PDE8A: variants seen among roughly 807,000 people sequenced by gnomAD.
PDE8A encodes the protein high affinity cAMP-specific and IBMX-insensitive 3',5'-cyclic phosphodiesterase 8A.
In PDE8A, 59 loss-of-function variants were observed where a neutral mutation model predicts 105.0. The ratio of observed to expected loss-of-function variants is 0.56; its 90% confidence interval spans 0.46 to 0.70. The LOEUF is 0.70. PDE8A is among the 30% of genes least tolerant of loss of function. PDE8A has a pLI of 0.00. For missense variants in PDE8A, 1,014 were observed against 1,045.9 expected (o/e 0.97, Z 0.42); for synonymous variants, 355 against 371.9 (o/e 0.95, Z 0.52).
At chr15:85,080,619 C>T (rs2081449285) in intron 5 of PDE8A, among the ~76,000 whole-genome samples, 1 of 152,112 alleles carries the variant, frequency 6.6e-6, no homozygotes, top group South Asian at 2.1e-4. Flanking sequence ...TGGTGACTGC[C>T]GTGTTTGAAA....
chr15:85,049,037 G>T (rs1358353400), intron 1 of PDE8A, among the ~76,000 whole-genome samples: 1 of 152,170 alleles, frequency 6.6e-6, no homozygotes, highest in African/African-American at 2.4e-5. Context: ...GGGAAGTGGA[G>T]GTTGCAGTGA....
chr15:85,100,264 C>A, intron 11 of PDE8A, 66 bp downstream of exon 11: 1 of 1,339,072 alleles, frequency 7.5e-7, no homozygotes, highest in South Asian at 1.2e-5. Context: ...AAAAACAGAT[C>A]TTTAACTAGC....
At chr15:85,116,848 TC>T (rs2082104528) in intron 16 of PDE8A, among the ~76,000 whole-genome samples, 1 of 152,218 alleles carries the variant, frequency 6.6e-6, no homozygotes, top group South Asian at 2.1e-4. Flanking sequence ...ACGTTCTACT[TC>T]CCTATCTCCC....
intron 14 of PDE8A, 124 bp from the exon 15 acceptor site, chr15:85,115,315 C>A: frequency 1.6e-6 from 1 of 632,284 alleles, no homozygotes; most frequent in Non-Finnish European, 2.8e-6. Flanking sequence ...GGGCCCAGGG[C>A]AGCCTTGAGT....
At chr15:84,991,673 C>A (rs557775635) in intron 1 of PDE8A, among the ~76,000 whole-genome samples, 1 of 152,246 alleles carries the variant, frequency 6.6e-6, no homozygotes, top group South Asian at 2.1e-4. Flanking sequence ...TCCAAACTTT[C>A]CTGTAAAACC....
At chr15:85,004,897 G>A (rs2080121834) in intron 1 of PDE8A, among the ~76,000 whole-genome samples, 1 of 141,748 alleles carries the variant, frequency 7.1e-6, no homozygotes, top group African/African-American at 2.7e-5. Context: ...TGGATTGAAT[G>A]ATACATAGTT....
chr15:85,119,471 A>AAAAAAAAAAAAAAAAAAAAAACAAAC (rs1421406717), intron 17 of PDE8A, among the ~76,000 whole-genome samples: 7 of 149,254 alleles, frequency 4.7e-5, no homozygotes, highest in African/African-American at 1.5e-4. Flanking sequence ...CTCGTCTCAA[A>AAAAAAAAAAAAAAAAAAAAAACAAAC]AAAAAAAAAA....
intron 1 of PDE8A, among the ~76,000 whole-genome samples, chr15:85,044,384 G>A (rs907590099): frequency 3.3e-5 from 5 of 152,102 alleles, no homozygotes; most frequent in Admixed American, 2.0e-4. Flanking sequence ...TGACAGTGGG[G>A]GACAGATAAA....
intron 19 of PDE8A, among the ~76,000 whole-genome samples, chr15:85,123,860 G>A (rs556699243): frequency 6.6e-6 from 1 of 152,150 alleles, no homozygotes; most frequent in Non-Finnish European, 1.5e-5. Flanking sequence ...AACTAGATGG[G>A]AAAACTCGAA....
At chr15:85,085,741 C>T (rs2081542286) in intron 6 of PDE8A, among the ~76,000 whole-genome samples, 2 of 149,830 alleles carry the variant, frequency 1.3e-5, no homozygotes, top group African/African-American at 2.5e-5. Context: ...GGCAGGGTGG[C>T]TCACGCCTGT....
At position 85,123,337 on chromosome 15, in the gene PDE8A, T is replaced by TACACACACACACACACACAC. The variant is rs58421452; in HGVS notation, c.2085+174_2085+193dup. ...TCTTACAGGGACAGAACTAATGGGA[T>TACACACACACACACACACAC]ACACACACACACACACACACACACA... On this transcript the variant is annotated intron_variant, in intron 19 of 21. Transcript: ENST00000394553. The TACACACACACACACACACAC allele has an allele frequency of 9.4e-4, 311 of 330,416 alleles. 1 individual carries two copies. The highest frequency in any genetic ancestry group is 3.4e-3 in the African/African-American group (134 of 39,950). 20.5% of individuals were successfully genotyped at this position (330,416 alleles called of 1,614,324 possible). A position where few individuals can be genotyped will look rare whatever the true frequency, so the allele number is the denominator to read the frequency against.
chr15:85,073,207 CCTT>C (rs949861237), intron 3 of PDE8A, among the ~76,000 whole-genome samples: 1 of 152,202 alleles, frequency 6.6e-6, no homozygotes, highest in African/African-American at 2.4e-5. Flanking sequence ...TTTTTCGTGA[CCTT>C]CTTGAATTCT....
chr15:85,017,751 G>C (rs562725746), intron 1 of PDE8A, among the ~76,000 whole-genome samples: 24 of 152,078 alleles, frequency 1.6e-4, no homozygotes, highest in Admixed American at 1.4e-3. Context: ...GCCGGGTGTG[G>C]TGGTGGGCAC....
At chr15:84,993,562 T>C (rs559077555) in intron 1 of PDE8A, among the ~76,000 whole-genome samples, 1 of 151,740 alleles carries the variant, frequency 6.6e-6, no homozygotes, top group South Asian at 2.1e-4. Flanking sequence ...TCCATGTAGA[T>C]TGCTTTAAAT....
chr15:85,000,566 C>G (rs2080051140), intron 1 of PDE8A, among the ~76,000 whole-genome samples: 1 of 152,180 alleles, frequency 6.6e-6, no homozygotes, highest in African/African-American at 2.4e-5. Flanking sequence ...GAGGTGGTCT[C>G]TGTTCAGGGT....
At chr15:85,016,475 T>C (rs1231046893) in intron 1 of PDE8A, among the ~76,000 whole-genome samples, 1 of 152,230 alleles carries the variant, frequency 6.6e-6, no homozygotes, top group Non-Finnish European at 1.5e-5. Flanking sequence ...CCATTCATAA[T>C]TGAGTTCATT....
At chr15:85,107,342 C>T (rs1007369624) in intron 11 of PDE8A, among the ~76,000 whole-genome samples, 4 of 152,164 alleles carry the variant, frequency 2.6e-5, no homozygotes, top group African/African-American at 9.7e-5. Flanking sequence ...TGAATCTTAT[C>T]CTAAAGACAA....
chr15:85,081,901 G>T (rs900069477), intron 5 of PDE8A, among the ~76,000 whole-genome samples: 10 of 152,066 alleles, frequency 6.6e-5, no homozygotes, highest in African/African-American at 2.2e-4. Flanking sequence ...CTGATTGCAT[G>T]CATGGGAATC....
At chr15:85,100,653 A>C (rs912522997) in intron 11 of PDE8A, among the ~76,000 whole-genome samples, 2 of 152,140 alleles carry the variant, frequency 1.3e-5, no homozygotes, top group African/African-American at 2.4e-5. Flanking sequence ...GTTCTTCCCC[A>C]TAGCTTTCTT....
Sources: gnomAD v4.1 joint callset for allele counts (sites outside exome capture counted in the v4.1 genomes callset) on GRCh38, gnomAD v4.1.1 for gene constraint, MANE v1.5 for transcripts, NCBI Gene and HGNC (gene_info 2026-07-23, HGNC 2026-07-21) for gene names.